Variants in PCDHA8 observed in about 807,000 individuals in gnomAD.
The protein encoded by PCDHA8 is protocadherin alpha-8.
A neutral mutation model predicts 61.8 loss-of-function variants in PCDHA8; 53 were observed. The ratio of observed to expected loss-of-function variants is 0.86; its 90% CI spans 0.69 to 1.08. PCDHA8 has a LOEUF of 1.08. Among genes scored for constraint, PCDHA8 ranks in the 50% least tolerant of loss-of-function variants. PCDHA8 has a pLI of 0.00. For synonymous variants in PCDHA8, 618 were observed against 556.6 expected (o/e 1.11, Z -1.55); for missense variants, 1,293 against 1,245.0 (o/e 1.04, Z -0.58).
chr5:140,970,078 A>G (rs1260486106), intron 1 of PCDHA8, among the ~76,000 whole-genome samples: 2 of 152,124 alleles, frequency 1.3e-5, no homozygotes, highest in African/African-American at 4.8e-5. Context: ...TGAGTGGATT[A>G]GGGGTGTGGG....
intron 1 of PCDHA8, among the ~76,000 whole-genome samples, chr5:140,874,252 G>A (rs532178726): frequency 6.6e-6 from 1 of 152,286 alleles, no homozygotes; most frequent in Non-Finnish European, 1.5e-5. Flanking sequence ...TTGGTTTAAA[G>A]ATTTTGACTT....
intron 1 of PCDHA8, among the ~76,000 whole-genome samples, chr5:140,899,871 T>G (rs76112838): frequency 0.014 from 2,117 of 152,008 alleles, 43 homozygotes; most frequent in African/African-American, 0.049. Context: ...GCAGTGGTAT[T>G]AACAGAACTC....
chr5:140,930,197 C>G (rs1417032734), intron 1 of PCDHA8: 1 of 152,080 alleles, frequency 6.6e-6, no homozygotes, highest in African/African-American at 2.4e-5. Flanking sequence ...ATTTTTATGT[C>G]AGAAATATTT....
At position 140,993,501 on chromosome 5, in the gene PCDHA8, C is replaced by CACACAT. The variant is rs1554253793; in HGVS notation, c.2542+10943_2542+10944insTACACA. Reference sequence around the variant, plus strand: ...ACACACACACACACACACACACACACACACACACGGGGAGAGAGAGACAGA... The same window carrying CACACAT: ...ACACACACACACACACACACACACACACACATACACACACGGGGAGAGAGAGACAGA... On this transcript the variant is annotated intron_variant, in intron 3 of 3. Coordinates refer to ENST00000531613, the MANE Select transcript of PCDHA8 (RefSeq NM_018911.3). Among the ~76,000 whole-genome samples the CACACAT allele has an allele frequency of 3.4e-5, 5 of 148,992 alleles. No homozygotes were observed. The East Asian group carries it at 7.8e-4, about 23-fold the overall frequency.
chr5:140,883,065 C>G, intron 1 of PCDHA8: 1 of 1,614,056 alleles, frequency 6.2e-7, no homozygotes, highest in Non-Finnish European at 8.5e-7. Context: ...AAGCTAAATG[C>G]CACAGATCCT....
intron 1 of PCDHA8, chr5:140,930,381 A>G (rs569032116): frequency 2.0e-5 from 3 of 152,008 alleles, no homozygotes; most frequent in East Asian, 3.9e-4. Flanking sequence ...GGCCCTTGGC[A>G]TTTCAAAACT....
At chr5:140,881,650 T>C (rs508730) in intron 1 of PCDHA8, among the ~76,000 whole-genome samples, 2,267 of 152,332 alleles carry the variant, frequency 0.015, 53 homozygotes, top group African/African-American at 0.052. Flanking sequence ...ATTTTTCACC[T>C]TCACCGATTT....
chr5:140,979,186 C>T, intron 2 of PCDHA8, 179 bp downstream of exon 2: 2 of 914,118 alleles, frequency 2.2e-6, no homozygotes, highest in Non-Finnish European at 2.6e-6. Context: ...ATGGTCAGTG[C>T]CAGATGCTTA....
At chr5:140,909,087 T>G (rs2074309493) in intron 1 of PCDHA8, among the ~76,000 whole-genome samples, 1 of 152,234 alleles carries the variant, frequency 6.6e-6, no homozygotes, top group Admixed American at 6.5e-5. Flanking sequence ...TGTTTGCTAC[T>G]TCTCACTCAC....
chr5:140,967,684 G>A (rs1404001288), intron 1 of PCDHA8: 2 of 1,614,074 alleles, frequency 1.2e-6, no homozygotes, highest in Non-Finnish European at 8.5e-7. Context: ...GGGAGAGGCA[G>A]CTCTTCAGCA....
At chr5:140,966,463 TC>T in intron 1 of PCDHA8, 1 of 429,360 alleles carries the variant, frequency 2.3e-6, no homozygotes, top group Non-Finnish European at 4.0e-6. Flanking sequence ...CCCTCTGTCT[TC>T]CCTTCTGTTT....
chr5:140,873,998 C>T (rs2054625298), intron 1 of PCDHA8, among the ~76,000 whole-genome samples: 1 of 152,166 alleles, frequency 6.6e-6, no homozygotes, highest in Non-Finnish European at 1.5e-5. Context: ...ATGTATGGTA[C>T]ATTGACCACT....
chr5:140,941,202 C>CTTTCTTTCTTT (rs1554213921), intron 1 of PCDHA8, among the ~76,000 whole-genome samples: 2,980 of 122,772 alleles, frequency 0.024, 108 homozygotes, highest in East Asian at 0.062. Context: ...TTTCTTTCTT[C>CTTTCTTTCTTT]CTTTCTTTCT....
At chr5:140,874,834 T>C (rs756394440) in intron 1 of PCDHA8, among the ~76,000 whole-genome samples, 17 of 152,260 alleles carry the variant, frequency 1.1e-4, no homozygotes, top group Non-Finnish European at 2.5e-4. Context: ...AAATATTGTT[T>C]GGTATTAGAC....
At position 140,849,854 on chromosome 5, in the gene PCDHA8, A is replaced by T. The variant is rs1431626107; in HGVS notation, c.2394+6139A>T. 3.8e-6 allele frequency: 6 copies of T among 1,598,364 alleles called. 1 individual carries two copies. Among genetic ancestry groups the T allele is most frequent in the East Asian group, 2.2e-5 (1 of 44,850 alleles). On this transcript the variant is annotated intron_variant, in intron 1 of 3. Coordinates refer to ENST00000531613, the MANE Select transcript of PCDHA8 (RefSeq NM_018911.3). ...TGGCCGACGTGAACGACAACGCACC[A>T]GCGTTCGCGCAGTCCGAGTACACGG...
At chr5:140,878,556 A>G (rs959852623) in intron 1 of PCDHA8, among the ~76,000 whole-genome samples, 3 of 152,156 alleles carry the variant, frequency 2.0e-5, no homozygotes, top group East Asian at 3.8e-4. Context: ...GATGATCCCA[A>G]ACTTATCATA....
chr5:140,960,588 T>A (rs2095557494), intron 1 of PCDHA8, among the ~76,000 whole-genome samples: 1 of 152,166 alleles, frequency 6.6e-6, no homozygotes, highest in African/African-American at 2.4e-5. Flanking sequence ...ACAGTTCAAA[T>A]TCAAGGTACT....
At chr5:140,978,491 C>T (rs550205477) in intron 1 of PCDHA8, among the ~76,000 whole-genome samples, 2 of 152,354 alleles carry the variant, frequency 1.3e-5, no homozygotes, top group African/African-American at 4.8e-5. Flanking sequence ...GCAAAGCCAG[C>T]AGCAGATTGC....
At chr5:140,925,969 A>C (rs2082842050) in intron 1 of PCDHA8, among the ~76,000 whole-genome samples, 1 of 152,172 alleles carries the variant, frequency 6.6e-6, no homozygotes, top group African/African-American at 2.4e-5. Context: ...TCACGCAAAA[A>C]AAAAGCCTTG....
Sources: allele counts gnomAD v4.1 joint callset (sites outside exome capture counted in the v4.1 genomes callset), GRCh38; gene constraint gnomAD v4.1.1; transcripts MANE v1.5; gene names NCBI Gene and HGNC (gene_info 2026-07-23, HGNC 2026-07-21).